Variants in WEE1 observed in about 807,000 individuals in gnomAD.
WEE1 encodes the protein wee1-like protein kinase.
In WEE1, 16 loss-of-function variants were observed where a neutral mutation model predicts 68.8. That is an observed-to-expected ratio of 0.23 (90% confidence interval 0.16 to 0.35). The LOEUF is 0.35. WEE1 is among the 10% of genes least tolerant of loss of function. The pLI is 1.00. For synonymous variants in WEE1, 349 were observed against 318.7 expected (o/e 1.09, Z -1.01); for missense variants, 651 against 824.1 (o/e 0.79, Z 2.57).
Position 9,576,567 on chromosome 11 carries a change from A to G in WEE1, c.927A>G (p.Glu309=). ...FHELEKIGSG[E]FGSVFKCVKR... ...AGCTAGAGAAAATCGGCTCTGGAGAATTTGGTTCTGTATTTAAGTGTGTGA... is the reference window on the plus strand; with the variant it reads ...AGCTAGAGAAAATCGGCTCTGGAGAGTTTGGTTCTGTATTTAAGTGTGTGA... Residue 309 remains glutamate, a synonymous_variant, in exon 4 of 11, where the codon GAA becomes GAG. Transcript: ENST00000450114. The surrounding 1 kb of genome is among the most constrained non-coding windows in gnomAD (Gnocchi z 4.3). The G allele has an allele frequency of 1.2e-6, 2 of 1,614,054 alleles. No homozygotes were observed. Among genetic ancestry groups the G allele is most frequent in the Non-Finnish European group, 1.7e-6 (2 of 1,179,954 alleles).
chr11:9,588,876 T>C lies in WEE1; in HGVS notation c.*274T>C, dbSNP rs1030675853. On this transcript the variant is annotated 3_prime_UTR_variant, in exon 11 of 11. Transcript: ENST00000450114. ...AACCACTGTGGTGGTGTGCTGCTTA[T>C]AGTTTGCTGTTGCATTGTAATAAAA... The C allele has an allele frequency of 4.8e-6, 5 of 1,037,402 alleles. No individual in the cohort carries two copies. The Middle Eastern group carries it at 1.4e-3, about 283-fold the overall frequency. 64.3% of individuals were successfully genotyped at this position (1,037,402 alleles called of 1,614,324 possible). A position where few individuals can be genotyped will look rare whatever the true frequency, so the allele number is the denominator to read the frequency against.
rs1331216603 is a variant in WEE1 at position 9,573,976 on chromosome 11, G to A, written c.43G>A (p.Ala15Thr). The A allele has an allele frequency of 1.5e-6, 2 of 1,293,570 alleles. No individual in the cohort carries two copies. Among genetic ancestry groups the A allele is most frequent in the Admixed American group, 7.5e-5 (2 of 26,614 alleles). 80.1% of individuals were successfully genotyped at this position (1,293,570 alleles called of 1,614,324 possible). A position where few individuals can be genotyped will look rare whatever the true frequency, so the allele number is the denominator to read the frequency against. ...SRQQPPPPRR[A>T]GAACTLRQKL... ...ACAGCAGCCGCCGCCACCCCGCCGC[G>A]CCGGGGCGGCCTGCACCTTGCGGCA... Residue 15 changes from alanine to threonine, a missense_variant, in exon 1 of 11, where the codon GCC (alanine) becomes ACC (threonine). Ala to Thr is a moderately conservative substitution (Grantham distance 58). Around this residue, in one of 5 missense-constraint regions of WEE1, gnomAD observed 395 missense variants for 378.4 expected, o/e 1.04. Transcript: ENST00000450114.
Position 9,586,778 on chromosome 11 carries a change from T to A in WEE1, c.1709T>A (p.Leu570Gln). 1 of 1,614,150 alleles carries A rather than the reference T, an allele frequency of 6.2e-7. No individual in the cohort carries two copies. The highest frequency in any genetic ancestry group is 1.1e-5 in the South Asian group (1 of 91,066). The change falls in exon 10 of 11, where the codon CTG becomes CAG. Residue 570 changes from leucine to glutamine, a missense_variant. Transcript: ENST00000450114. ...GCACTGGTAAAGCATTCAGTATTGC[T>A]GTCCGCTTCTAGAAAGAGTGCAGAA... ...AMALVKHSVL[L>Q]SASRKSAEQL...
In WEE1 at chr11:9,576,137, ATTGGT is replaced by A. The variant is rs1849562671; in HGVS notation, c.782+50_782+54del. 1 of 1,611,428 alleles carries A rather than the reference ATTGGT, an allele frequency of 6.2e-7. No homozygotes were observed. The highest frequency in any genetic ancestry group is 1.1e-5 in the South Asian group (1 of 90,938). On this transcript the variant is annotated intron_variant, in intron 2 of 10. Coordinates refer to ENST00000450114, the MANE Select transcript of WEE1 (RefSeq NM_003390.4). The surrounding 1 kb of genome is among the most constrained non-coding windows in gnomAD (Gnocchi z 4.3). The stretch of plus-strand genomic sequence containing the variant: ...AGTTTGGTTCTCCAAATAACCTAAG[ATTGGT>A]TTGGTATACTTATCAAAATTTAGTT...
In WEE1 at chr11:9,583,862, T is replaced by C. The variant is rs1849670907; in HGVS notation, c.1289-1396T>C. ...ATATATATATACTTTTTTTTTTCTT[T>C]TGAGACAGGGTCTTGCTCTGTTGCC... On this transcript the variant is annotated intron_variant, in intron 6 of 10. Coordinates refer to ENST00000450114, the MANE Select transcript of WEE1 (RefSeq NM_003390.4). Among the ~76,000 whole-genome samples the C allele has an allele frequency of 2.5e-5, 3 of 121,292 alleles. No individual in the cohort carries two copies. The South Asian group carries it at 8.8e-4, about 36-fold the overall frequency. The allele number at this position is 121,292 out of a possible 152,430, so 79.6% of individuals were successfully genotyped here. A position where few individuals can be genotyped will look rare whatever the true frequency, so the allele number is the denominator to read the frequency against.
chr11:9,584,400 C>T (rs1177507127), intron 6 of WEE1, among the ~76,000 whole-genome samples: 2 of 152,172 alleles, frequency 1.3e-5, no homozygotes, highest in South Asian at 2.1e-4. Flanking sequence ...CCTACCTCAG[C>T]CTTTCAAAGC....
intron 5 of WEE1, 55 bp downstream of exon 5, chr11:9,577,318 A>C (rs752452835): frequency 6.4e-7 from 1 of 1,573,544 alleles, no homozygotes; most frequent in Non-Finnish European, 8.6e-7. Context: ...TCGAGGAAAT[A>C]TTTATGGTTA....
intron 5 of WEE1, chr11:9,577,532 T>A (rs1434523661): frequency 5.0e-6 from 2 of 398,054 alleles, no homozygotes; most frequent in Non-Finnish European, 9.3e-6. Flanking sequence ...TCGACACATA[T>A]ATTTTGGTGT....
In WEE1 at chr11:9,573,878, T is replaced by A; in HGVS notation, c.-56T>A. 8.3e-7 allele frequency: 1 copy of A among 1,203,876 alleles called. No homozygotes were observed. The highest frequency in any genetic ancestry group is 1.0e-6 in the Non-Finnish European group (1 of 967,706). 74.6% of individuals were successfully genotyped at this position (1,203,876 alleles called of 1,614,324 possible). ...CGGACCCGCCCCCAGGCCCGCAGTG[T>A]CCTGGACCCCGCAGGCCTCCGCTCT... is the stretch of plus-strand genomic sequence containing the variant. On this transcript the variant is annotated 5_prime_UTR_variant, in exon 1 of 11. Coordinates refer to ENST00000450114, the MANE Select transcript of WEE1 (RefSeq NM_003390.4).
intron 6 of WEE1, among the ~76,000 whole-genome samples, chr11:9,584,166 C>T (rs955276694): frequency 6.7e-6 from 1 of 149,906 alleles, no homozygotes; most frequent in Non-Finnish European, 1.5e-5. Context: ...GAGATAGTCT[C>T]ACTCTGTTGC....
chr11:9,577,744 A>G (rs1462630637), intron 5 of WEE1: 1 of 360,608 alleles, frequency 2.8e-6, no homozygotes. Flanking sequence ...CCACGTATCC[A>G]ACCTAGTCTA....
chr11:9,577,528 CAT>C (rs934213678), intron 5 of WEE1: 5 of 403,910 alleles, frequency 1.2e-5, no homozygotes, highest in African/African-American at 6.1e-5. Context: ...GGCCTCGACA[CAT>C]ATATTTTGGT....
Position 9,589,422 on chromosome 11 carries a change from T to C in WEE1, c.*820T>C. Reference sequence around the variant, plus strand: ...GTCCTTCCCGGACTCTTTTTAAATGTCTCCCCCTAAGTTTTATACTTGATT... The same window carrying C: ...GTCCTTCCCGGACTCTTTTTAAATGCCTCCCCCTAAGTTTTATACTTGATT... On this transcript the variant is annotated 3_prime_UTR_variant, in exon 11 of 11. Coordinates refer to ENST00000450114, the MANE Select transcript of WEE1 (RefSeq NM_003390.4). 1.0e-6 allele frequency: 1 copy of C among 985,126 alleles called. No individual in the cohort carries two copies. The highest frequency in any genetic ancestry group is 1.7e-5 in the African/African-American group (1 of 57,336). The allele number at this position is 985,126 out of a possible 1,614,324, so 61.0% of individuals were successfully genotyped here.
Position 9,576,207 on chromosome 11 carries a change from T to C in WEE1, c.783-23T>C, listed in dbSNP as rs1373326895. ...TGGATGTATCTGTCAGATATATTGA[T>C]AGAAAAATAACATTTTTTTTAGTTC... On this transcript the variant is annotated intron_variant, in intron 2 of 10. Transcript: ENST00000450114. This position sits in a 1 kb window ranked among gnomAD's most constrained non-coding sequence, Gnocchi z 4.3. 7.1e-6 allele frequency: 11 copies of C among 1,554,470 alleles called. No homozygotes were observed. Among genetic ancestry groups the C allele is most frequent in the South Asian group, 5.8e-5 (5 of 85,768 alleles).
In WEE1 at chr11:9,573,966, AC is replaced by A. The variant is rs1248973455; in HGVS notation, c.37del (p.Arg13AlafsTer13). The part of the protein sequence containing the change: ...SFLSRQQPPP[P>X]RRAGAACTLR... ...TCCTGAGCCGACAGCAGCCGCCGCCACCCCGCCGCGCCGGGGCGGCCTGCAC... is the reference window on the plus strand; with the variant it reads ...TCCTGAGCCGACAGCAGCCGCCGCCACCCGCCGCGCCGGGGCGGCCTGCAC... On this transcript the variant is annotated frameshift_variant, in exon 1 of 11. Transcript: ENST00000450114. LOFTEE classifies it high-confidence loss of function. 5.4e-6 allele frequency: 7 copies of A among 1,290,532 alleles called. No homozygotes were observed. The highest frequency in any genetic ancestry group is 6.9e-6 in the Non-Finnish European group (7 of 1,019,202). 79.9% of individuals were successfully genotyped at this position (1,290,532 alleles called of 1,614,324 possible). A position where few individuals can be genotyped will look rare whatever the true frequency, so the allele number is the denominator to read the frequency against.
intron 6 of WEE1, among the ~76,000 whole-genome samples, chr11:9,583,824 T>G (rs1343778081): frequency 2.8e-5 from 1 of 35,948 alleles, no homozygotes; most frequent in Non-Finnish European, 6.8e-5. Context: ...TATATATATA[T>G]ATATATATAT....
chr11:9,586,994 C>CAAA, intron 10 of WEE1, 138 bp downstream of exon 10: 6 of 971,916 alleles, frequency 6.2e-6, no homozygotes, highest in Non-Finnish European at 8.9e-6. Context: ...GACAGGGTCT[C>CAAA]ACTGTCATCA....
chr11:9,583,986 C>T (rs1849672746), intron 6 of WEE1, among the ~76,000 whole-genome samples: 1 of 151,116 alleles, frequency 6.6e-6, no homozygotes, highest in Non-Finnish European at 1.5e-5. Flanking sequence ...GCTGGTATTA[C>T]AGGCGTGCAC....
Position 9,574,752 on chromosome 11 carries a change from G to C in WEE1, c.576+243G>C. On this transcript the variant is annotated intron_variant, in intron 1 of 10. Transcript: ENST00000450114. This position sits in a 1 kb window ranked among gnomAD's most constrained non-coding sequence, Gnocchi z 4.9. ...CAAAGGGGCCGATCGGCCCGTCCGGGTGGCCAAGGATTTGCCGCCCGTTGA... is the reference window on the plus strand; with the variant it reads ...CAAAGGGGCCGATCGGCCCGTCCGGCTGGCCAAGGATTTGCCGCCCGTTGA... 1 of 1,028,708 alleles carries C rather than the reference G, an allele frequency of 9.7e-7. No homozygotes were observed. The highest frequency in any genetic ancestry group is 5.7e-5 in the Admixed American group (1 of 17,552). The allele number at this position is 1,028,708 out of a possible 1,614,324, so 63.7% of individuals were successfully genotyped here. A position where few individuals can be genotyped will look rare whatever the true frequency, so the allele number is the denominator to read the frequency against.
Sources: allele counts gnomAD v4.1 joint callset (sites outside exome capture counted in the v4.1 genomes callset), GRCh38; gene constraint gnomAD v4.1.1; regional missense constraint gnomAD v4.1.1; non-coding constraint Gnocchi (gnomAD v3.1); transcripts MANE v1.5; gene names NCBI Gene and HGNC (gene_info 2026-07-23, HGNC 2026-07-21).